ASPHD2: variants seen among roughly 807,000 people sequenced by gnomAD.
The protein encoded by ASPHD2 is aspartate beta-hydroxylase domain containing 2, also known as aspartate beta-hydroxylase domain-containing protein 2.
In ASPHD2, 12 loss-of-function variants were observed where a neutral mutation model predicts 34.6. That is an observed-to-expected ratio of 0.35 (90% CI 0.22 to 0.56). The LOEUF (loss-of-function observed/expected upper bound fraction) is 0.56, where lower values mean the gene tolerates loss of function less well. Among genes scored for constraint, ASPHD2 ranks in the 20% least tolerant of loss-of-function variants. The pLI, the probability that ASPHD2 is intolerant of heterozygous loss-of-function variation, is 0.87. For synonymous variants in ASPHD2, 224 were observed against 212.2 expected (o/e 1.06, Z -0.48); for missense variants, 375 against 505.0 (o/e 0.74, Z 2.47).
rs2084744669 is a variant in ASPHD2, at chr22:26,429,644, C to T, written c.-225+158C>T. Reference sequence around the variant, plus strand: ...CGCCCCCGCCGAGGATGCTCCGGGACCCGGGCGCCCGCATCCCGGCCCGGC... The same window carrying T: ...CGCCCCCGCCGAGGATGCTCCGGGATCCGGGCGCCCGCATCCCGGCCCGGC... On this transcript the variant is annotated intron_variant, in intron 1 of 3. Transcript: ENST00000215906. This position sits in a 1 kb window ranked among gnomAD's most constrained non-coding sequence, Gnocchi z 4.5. Among the ~76,000 whole-genome samples, 1 of 151,816 alleles carries T rather than the reference C, an allele frequency of 6.6e-6. No homozygotes were observed. The highest frequency in any genetic ancestry group is 1.5e-5 in the Non-Finnish European group (1 of 67,880).
chr22:26,438,566 CACAT>C (rs1291447950), intron 2 of ASPHD2, among the ~76,000 whole-genome samples: 1 of 83,292 alleles, frequency 1.2e-5, no homozygotes, highest in Non-Finnish European at 2.4e-5. Context: ...TACATATATA[CACAT>C]ACATATATAT....
At chr22:26,441,158 C>T (rs546518503) in intron 2 of ASPHD2, among the ~76,000 whole-genome samples, 1 of 152,352 alleles carries the variant, frequency 6.6e-6, no homozygotes, top group South Asian at 2.1e-4. Context: ...TCATAAATGA[C>T]ACCTTCTCAC....
At chr22:26,442,348 G>C in intron 2 of ASPHD2, 111 bp from the exon 3 acceptor site, 1 of 771,760 alleles carries the variant, frequency 1.3e-6, no homozygotes, top group Non-Finnish European at 2.1e-6. Flanking sequence ...TGTGAGGCAG[G>C]TCAGGTGCTT....
chr22:26,438,578 T>TAC (rs879402719), intron 2 of ASPHD2, among the ~76,000 whole-genome samples: 4 of 139,248 alleles, frequency 2.9e-5, no homozygotes, highest in South Asian at 4.7e-4. Flanking sequence ...CATACATATA[T>TAC]ATACATACAT....
chr22:26,438,144 C>G (rs983586617), intron 2 of ASPHD2, among the ~76,000 whole-genome samples: 10 of 152,236 alleles, frequency 6.6e-5, no homozygotes, highest in African/African-American at 2.4e-4. Flanking sequence ...TCTGAAACCC[C>G]GGGGTGGCTG....
In ASPHD2 at chr22:26,441,532, G is replaced by C. The variant is rs545186124; in HGVS notation, c.887-927G>C. Among the ~76,000 whole-genome samples the C allele has an allele frequency of 8.8e-5, 13 of 147,684 alleles. No individual in the cohort carries two copies. In the South Asian group the frequency reaches 2.8e-3, roughly 32 times the overall value. On this transcript the variant is annotated intron_variant, in intron 2 of 3. Transcript: ENST00000215906. ...AGGCCAGGTGCTGTGGCTCATGCCT[G>C]TAATCCCAGCACTTTGGGAGGCTGA...
At chr22:26,431,715 G>T (rs1291794638) in intron 1 of ASPHD2, among the ~76,000 whole-genome samples, 1 of 152,136 alleles carries the variant, frequency 6.6e-6, no homozygotes, top group Non-Finnish European at 1.5e-5. Context: ...TTGGAATTCC[G>T]AGTCTTGCTA....
In ASPHD2 at chr22:26,442,493, G is replaced by A. The variant is rs201336246; in HGVS notation, c.921G>A (p.Val307=). The part of the protein sequence containing the change: ...LKTPNGCELV[V]GGEPQCWAEG... ...CTCCAAATGGCTGTGAGCTGGTGGTGGGGGGAGAGCCCCAGTGCTGGGCAG... is the reference window on the plus strand; with the variant it reads ...CTCCAAATGGCTGTGAGCTGGTGGTAGGGGGAGAGCCCCAGTGCTGGGCAG... Residue 307 remains valine (V), a synonymous_variant, in exon 3 of 4, where the codon GTG becomes GTA. Transcript: ENST00000215906. 21 of 1,606,216 alleles carry A rather than the reference G, an allele frequency of 1.3e-5. No individual in the cohort carries two copies. Among genetic ancestry groups the A allele is most frequent in the Non-Finnish European group, 1.7e-5 (20 of 1,176,554 alleles).
chr22:26,440,075 G>A (rs2084825999), intron 2 of ASPHD2, among the ~76,000 whole-genome samples: 1 of 152,294 alleles, frequency 6.6e-6, no homozygotes, highest in African/African-American at 2.4e-5. Flanking sequence ...CCTCTTCCAG[G>A]ACTCTGCTTC....
chr22:26,430,045 C>T (rs1015881733), intron 1 of ASPHD2, among the ~76,000 whole-genome samples: 1 of 152,208 alleles, frequency 6.6e-6, no homozygotes, highest in Non-Finnish European at 1.5e-5. Flanking sequence ...CCCTCTTTCC[C>T]ACTCTCCAGG....
chr22:26,437,517 A>T (rs1003606881), intron 2 of ASPHD2, among the ~76,000 whole-genome samples: 16 of 152,226 alleles, frequency 1.1e-4, no homozygotes, highest in Non-Finnish European at 2.2e-4. Context: ...ATGCTGGGAT[A>T]TTCCAGATGC....
chr22:26,439,465 G>A (rs955173022), intron 2 of ASPHD2, among the ~76,000 whole-genome samples: 1 of 152,116 alleles, frequency 6.6e-6, no homozygotes, highest in Non-Finnish European at 1.5e-5. Flanking sequence ...TCTGTTAATA[G>A]TATAACAACT....
Position 26,442,469 on chromosome 22 carries a change from T to G in ASPHD2, c.897T>G (p.Thr299=). 1 of 1,596,280 alleles carries G rather than the reference T, an allele frequency of 6.3e-7. No homozygotes were observed. Among genetic ancestry groups the G allele is most frequent in the Non-Finnish European group, 8.5e-7 (1 of 1,174,442 alleles). The stretch of plus-strand genomic sequence containing the variant: ...TGGTTTTCCTACAAGGTCTGAAAAC[T>G]CCAAATGGCTGTGAGCTGGTGGTGG... ...IRIRCHLGLK[T]PNGCELVVGG... The change falls in exon 3 of 4, where the codon ACT becomes ACG. Residue 299 remains threonine (T), a synonymous_variant. Transcript: ENST00000215906.
chr22:26,433,606 G>A lies in ASPHD2; in HGVS notation c.-10G>A, dbSNP rs768470745. 9.3e-6 allele frequency: 15 copies of A among 1,607,304 alleles called. No individual in the cohort carries two copies. The African/African-American group carries it at 1.1e-4, about 11-fold the overall frequency. Reference sequence around the variant, plus strand: ...GCCCCAGCCGCTCCTTCCCCCCCACGCTAATCTGCATGGTGTGGGCGCCCT... The same window carrying A: ...GCCCCAGCCGCTCCTTCCCCCCCACACTAATCTGCATGGTGTGGGCGCCCT... On this transcript the variant is annotated 5_prime_UTR_variant, in exon 2 of 4. Transcript: ENST00000215906. This position sits in a 1 kb window ranked among gnomAD's most constrained non-coding sequence, Gnocchi z 5.1.
chr22:26,441,822 C>G (rs886890560), intron 2 of ASPHD2, among the ~76,000 whole-genome samples: 1 of 152,140 alleles, frequency 6.6e-6, no homozygotes, highest in African/African-American at 2.4e-5. Flanking sequence ...ACTCGGGAGG[C>G]TGAGGCAGGA....
At chr22:26,431,770 A>T (rs968068191) in intron 1 of ASPHD2, among the ~76,000 whole-genome samples, 11 of 152,350 alleles carry the variant, frequency 7.2e-5, no homozygotes, top group Admixed American at 6.5e-4. Flanking sequence ...GCTACTCATT[A>T]TGGGATGCCA....
intron 3 of ASPHD2, 37 bp downstream of exon 3, chr22:26,442,609 G>T: frequency 1.4e-6 from 2 of 1,469,540 alleles, no homozygotes; most frequent in Non-Finnish European, 1.9e-6. Context: ...TTTTTTCAAT[G>T]AATAGACTTT....
chr22:26,439,562 C>G (rs917433780), intron 2 of ASPHD2, among the ~76,000 whole-genome samples: 1 of 152,140 alleles, frequency 6.6e-6, no homozygotes, highest in Non-Finnish European at 1.5e-5. Flanking sequence ...AACTTTTTAG[C>G]AGGTCATTTA....
In ASPHD2 at chr22:26,443,208, A is replaced by G. The variant is rs1420326438; in HGVS notation, c.*2A>G. On this transcript the variant is annotated 3_prime_UTR_variant, in exon 4 of 4. Coordinates refer to ENST00000215906, the MANE Select transcript of ASPHD2 (RefSeq NM_020437.5). ...TTCATCTTTGCTCCGGGACGATGAG[A>G]GTATTTCCCATGCTGGAGTCGGCGA... 5.0e-6 allele frequency: 8 copies of G among 1,613,504 alleles called. No individual in the cohort carries two copies. The East Asian group carries it at 1.1e-4, about 22-fold the overall frequency.
Sources: gnomAD v4.1 joint callset for allele counts (sites outside exome capture counted in the v4.1 genomes callset) on GRCh38, gnomAD v4.1.1 for gene constraint, Gnocchi (gnomAD v3.1) non-coding constraint, MANE v1.5 for transcripts, NCBI Gene and HGNC (gene_info 2026-07-23, HGNC 2026-07-21) for gene names.